Variants in STX16 observed in about 807,000 individuals in gnomAD.
STX16 encodes syntaxin 16.
In STX16, 28 loss-of-function variants were observed where a neutral mutation model predicts 42.7. That is an observed-to-expected ratio of 0.66 (90% confidence interval 0.49 to 0.90). STX16 has a LOEUF of 0.90. STX16 is among the 40% of genes least tolerant of loss of function. The pLI is 0.00. For missense variants in STX16, 361 were observed against 420.9 expected (o/e 0.86, Z 1.24); for synonymous variants, 156 against 155.2 (o/e 1.00, Z -0.04).
At chr20:58,674,010 ATTCTT>A (rs1470641800) in intron 8 of STX16, among the ~76,000 whole-genome samples, 4 of 152,212 alleles carry the variant, frequency 2.6e-5, no homozygotes, top group Non-Finnish European at 2.9e-5. Context: ...AAAATATTTC[ATTCTT>A]TTCTAATGCT....
rs538856099 is a variant in STX16 at position 58,657,365 on chromosome 20, C to T, written c.133-2258C>T. On this transcript the variant is annotated intron_variant, in intron 1 of 8. Coordinates refer to ENST00000371141, the MANE Select transcript of STX16 (RefSeq NM_001001433.3). The surrounding 1 kb of genome is among the most constrained non-coding windows in gnomAD (Gnocchi z 4.2). ...GAGGCTTACTTTGAGAATAAGGGTA[C>T]TTTGTTGGATAAAAGTGAAGCAAAC... Among the ~76,000 whole-genome samples, 38 of 152,130 alleles carry T rather than the reference C, an allele frequency of 2.5e-4. No homozygotes were observed. The highest frequency in any genetic ancestry group is 5.1e-4 in the Non-Finnish European group (35 of 68,032).
At chr20:58,671,437 GGTGTGTGTGT>G (rs540390363) in intron 7 of STX16, 140 bp downstream of exon 7, 24 of 224,576 alleles carry the variant, frequency 1.1e-4, no homozygotes, top group South Asian at 3.1e-4. Context: ...TGTGTGTGTG[GGTGTGTGTGT>G]GTGTGTGTGT....
chr20:58,676,474 G>T lies in STX16; in HGVS notation c.*183G>T, dbSNP rs1052642. On this transcript the variant is annotated 3_prime_UTR_variant, in exon 9 of 9. Coordinates refer to ENST00000371141, the MANE Select transcript of STX16 (RefSeq NM_001001433.3). ...CCTGCTCAAGCGGTCCGGGGAATGGGTTTTTGTTTTTCCTTCATTGTTGAG... is the reference window on the plus strand; with the variant it reads ...CCTGCTCAAGCGGTCCGGGGAATGGTTTTTTGTTTTTCCTTCATTGTTGAG... 47,811 of 573,878 alleles carry T rather than the reference G, an allele frequency of 0.083. 2,406 individuals are homozygous for T. The highest frequency in any genetic ancestry group is 0.16 in the African/African-American group (8,663 of 52,880). The allele number at this position is 573,878 out of a possible 1,614,324, so 35.5% of individuals were successfully genotyped here.
chr20:58,656,498 T>C (rs2083589804), intron 1 of STX16, among the ~76,000 whole-genome samples: 1 of 152,198 alleles, frequency 6.6e-6, no homozygotes, highest in South Asian at 2.1e-4. Context: ...GAATGAAAGG[T>C]AGATATTGAG....
chr20:58,661,461 C>G (rs939769450), intron 2 of STX16, among the ~76,000 whole-genome samples: 20 of 152,246 alleles, frequency 1.3e-4, no homozygotes, highest in African/African-American at 4.8e-4. Context: ...CTATCTCCTC[C>G]ACGCTCACCC....
chr20:58,675,136 T>G (rs1285985764), intron 8 of STX16, among the ~76,000 whole-genome samples: 1 of 151,992 alleles, frequency 6.6e-6, no homozygotes, highest in Non-Finnish European at 1.5e-5. Flanking sequence ...TGATTGAGCG[T>G]CGGGAGCTGC....
intron 2 of STX16, chr20:58,667,186 A>G: frequency 2.2e-6 from 1 of 461,688 alleles, no homozygotes; most frequent in Non-Finnish European, 4.1e-6. Context: ...TGACTTTTTC[A>G]TTACATTTCT....
In STX16 at chr20:58,669,402, C is replaced by T. The variant is rs764468594; in HGVS notation, c.505C>T (p.Leu169=). The change falls in exon 5 of 9, where the codon CTG becomes TTG. Residue 169 remains leucine, a synonymous_variant. Coordinates refer to ENST00000371141, the MANE Select transcript of STX16 (RefSeq NM_001001433.3). ...CGTGGTGGCCTCGCTGGCGCAGGCC[C>T]TGCAGGAACTCTCCACCAGCTTCCG... The part of the protein sequence containing the change: ...GNVVASLAQA[L]QELSTSFRHA... 1.2e-5 allele frequency: 19 copies of T among 1,612,336 alleles called. No homozygotes were observed. The highest frequency in any genetic ancestry group is 8.5e-7 in the Non-Finnish European group (1 of 1,179,584).
intron 2 of STX16, among the ~76,000 whole-genome samples, chr20:58,660,951 C>A (rs1427913343): frequency 7.3e-5 from 11 of 150,624 alleles, no homozygotes; most frequent in Non-Finnish European, 1.5e-4. Flanking sequence ...AAAAAAAAAA[C>A]ACCACTCAAC....
chr20:58,663,490 C>T (rs948678409), intron 2 of STX16, among the ~76,000 whole-genome samples: 6 of 152,164 alleles, frequency 3.9e-5, no homozygotes, highest in African/African-American at 1.4e-4. Flanking sequence ...CTGTTTTGAA[C>T]ATCTGTTGGA....
intron 1 of STX16, among the ~76,000 whole-genome samples, chr20:58,656,888 C>T (rs1375098999): frequency 1.3e-5 from 2 of 152,194 alleles, no homozygotes; most frequent in Admixed American, 1.3e-4. Context: ...CTTCACAGTG[C>T]TCTATCAAAT....
At chr20:58,660,883 G>T (rs1252458519) in intron 2 of STX16, among the ~76,000 whole-genome samples, 1 of 151,382 alleles carries the variant, frequency 6.6e-6, no homozygotes. Flanking sequence ...TTCTTAGGGT[G>T]GATATATATT....
At chr20:58,667,626 T>C (rs2083867775) in intron 3 of STX16, 29 bp downstream of exon 3, 1 of 1,580,688 alleles carries the variant, frequency 6.3e-7, no homozygotes, top group African/African-American at 1.3e-5. Context: ...TCATAGCATC[T>C]TGTTTTTTTA....
intron 8 of STX16, among the ~76,000 whole-genome samples, chr20:58,675,766 G>A (rs1210909732): frequency 6.6e-6 from 1 of 152,198 alleles, no homozygotes; most frequent in Non-Finnish European, 1.5e-5. Flanking sequence ...CCTCCAGCCC[G>A]TTGTTTCCTT....
intron 1 of STX16, among the ~76,000 whole-genome samples, chr20:58,654,160 G>A (rs2083536959): frequency 6.6e-6 from 1 of 152,016 alleles, no homozygotes; most frequent in Non-Finnish European, 1.5e-5. Context: ...TTTTCTAAAT[G>A]TCATACCATT....
Position 58,676,769 on chromosome 20 carries a change from C to G in STX16, c.*478C>G, listed in dbSNP as rs1035479943. 1 of 152,696 alleles carries G rather than the reference C, an allele frequency of 6.5e-6. No homozygotes were observed. The highest frequency in any genetic ancestry group is 1.5e-5 in the Non-Finnish European group (1 of 68,090). 9.5% of individuals were successfully genotyped at this position (152,696 alleles called of 1,614,324 possible). A position where few individuals can be genotyped will look rare whatever the true frequency, so the allele number is the denominator to read the frequency against. On this transcript the variant is annotated 3_prime_UTR_variant, in exon 9 of 9. Transcript: ENST00000371141. ...AGTAGAGGCAAAAATGCCCCTTCAT[C>G]TTTCTCTATATATTTTCCAGTTGAA...
intron 4 of STX16, among the ~76,000 whole-genome samples, 161 bp downstream of exon 4, chr20:58,668,288 G>A (rs2083886674): frequency 6.6e-6 from 1 of 152,224 alleles, no homozygotes; most frequent in African/African-American, 2.4e-5. Context: ...GTCAGCGTAG[G>A]TACCTGTGAG....
intron 2 of STX16, among the ~76,000 whole-genome samples, chr20:58,667,040 A>G (rs952882964): frequency 5.3e-5 from 8 of 152,008 alleles, no homozygotes; most frequent in Non-Finnish European, 1.5e-5. Context: ...CCTTGCTACT[A>G]TTGAGCATTT....
chr20:58,660,612 G>A (rs560166347), intron 2 of STX16, among the ~76,000 whole-genome samples: 2 of 151,598 alleles, frequency 1.3e-5, no homozygotes, highest in South Asian at 4.2e-4. Context: ...CAGGTAAATA[G>A]TGAGGCCCAT....
Sources: gnomAD v4.1 joint callset for allele counts (sites outside exome capture counted in the v4.1 genomes callset) on GRCh38, gnomAD v4.1.1 for gene constraint, Gnocchi (gnomAD v3.1) non-coding constraint, MANE v1.5 for transcripts, NCBI Gene and HGNC (gene_info 2026-07-23, HGNC 2026-07-21) for gene names.